Variants in TAF3 observed in about 807,000 individuals in gnomAD.
TAF3 encodes TATA-box binding protein associated factor 3, also known as transcription initiation factor TFIID subunit 3.
Under a neutral mutation model 80.6 loss-of-function variants are expected in TAF3, and 7 were observed. The ratio of observed to expected loss-of-function variants is 0.09; its 90% CI spans 0.05 to 0.16. The LOEUF is 0.16. TAF3 is among the 10% of genes least tolerant of loss of function. The probability of loss-of-function intolerance (pLI) is 1.00; values close to 1 mark genes in which losing one functional copy is unlikely to be tolerated. For synonymous variants in TAF3, 444 were observed against 446.1 expected (o/e 1.00, Z 0.06); for missense variants, 921 against 1,140.2 (o/e 0.81, Z 2.77).
chr10:7,969,690 A>T (rs897092796), intron 3 of TAF3, among the ~76,000 whole-genome samples: 3 of 152,108 alleles, frequency 2.0e-5, no homozygotes, highest in Admixed American at 2.0e-4. Flanking sequence ...AAAGTGGGGG[A>T]TCTGTTTTTA....
chr10:7,982,834 G>A (rs1564376988), intron 4 of TAF3, among the ~76,000 whole-genome samples: 1 of 152,204 alleles, frequency 6.6e-6, no homozygotes, highest in African/African-American at 2.4e-5. Context: ...TTTTATAGGT[G>A]ACCCAAAGGC....
At chr10:7,907,679 G>T (rs1327641955) in intron 2 of TAF3, among the ~76,000 whole-genome samples, 3 of 152,292 alleles carry the variant, frequency 2.0e-5, no homozygotes, top group South Asian at 4.1e-4. Context: ...CCATTGCCCT[G>T]CCCATTTTAA....
intron 1 of TAF3, among the ~76,000 whole-genome samples, chr10:7,819,135 C>T (rs1440440124): frequency 6.6e-6 from 1 of 152,108 alleles, no homozygotes; most frequent in Non-Finnish European, 1.5e-5. Flanking sequence ...ACCCTCCTAC[C>T]GCTCCTCCGC....
chr10:7,823,822 A>T (rs527543459), intron 1 of TAF3, among the ~76,000 whole-genome samples: 70 of 151,936 alleles, frequency 4.6e-4, no homozygotes, highest in African/African-American at 1.7e-3. Context: ...TTTAGTAGAG[A>T]CGGGGTTTCA....
At chr10:7,943,662 T>A (rs1837997136) in intron 2 of TAF3, among the ~76,000 whole-genome samples, 2 of 152,234 alleles carry the variant, frequency 1.3e-5, no homozygotes, top group South Asian at 4.1e-4. Flanking sequence ...TCAGTACACA[T>A]TAAATGCATC....
At chr10:7,979,804 C>CTT (rs1282454392) in intron 4 of TAF3, among the ~76,000 whole-genome samples, 1 of 41,714 alleles carries the variant, frequency 2.4e-5, no homozygotes, top group Non-Finnish European at 4.2e-5. Context: ...CAGTAAAGTG[C>CTT]TTTTTGTGGG....
intron 2 of TAF3, among the ~76,000 whole-genome samples, chr10:7,911,269 A>G (rs1369366898): frequency 1.3e-5 from 2 of 152,246 alleles, no homozygotes; most frequent in Non-Finnish European, 2.9e-5. Flanking sequence ...CATTGTGATT[A>G]TATTTAGTCA....
At chr10:7,994,079 C>T (rs945637877) in intron 4 of TAF3, among the ~76,000 whole-genome samples, 5 of 149,404 alleles carry the variant, frequency 3.3e-5, no homozygotes, top group Admixed American at 2.7e-4. Context: ...TCCCACTTCC[C>T]CTCTTCCTTT....
chr10:7,990,189 C>T (rs950923605), intron 4 of TAF3, among the ~76,000 whole-genome samples: 1 of 152,072 alleles, frequency 6.6e-6, no homozygotes, highest in Middle Eastern at 3.2e-3. Flanking sequence ...TATATGAATA[C>T]GTGAGTTCTG....
chr10:7,864,782 C>T (rs1293390126), intron 2 of TAF3, among the ~76,000 whole-genome samples: 2 of 151,832 alleles, frequency 1.3e-5, no homozygotes, highest in Admixed American at 6.6e-5. Flanking sequence ...CATTATCTTT[C>T]AAGAAGTAAA....
intron 4 of TAF3, among the ~76,000 whole-genome samples, chr10:7,978,104 A>G (rs995001359): frequency 2.6e-5 from 4 of 152,236 alleles, no homozygotes; most frequent in Non-Finnish European, 4.4e-5. Flanking sequence ...AATAAAATAC[A>G]CAAGATAAAA....
chr10:7,899,582 G>T (rs555427418), intron 2 of TAF3, among the ~76,000 whole-genome samples: 1 of 152,056 alleles, frequency 6.6e-6, no homozygotes, highest in Non-Finnish European at 1.5e-5. Flanking sequence ...TTTGTGCTTG[G>T]TACTGGAAGG....
At chr10:7,876,593 G>A (rs1254664023) in intron 2 of TAF3, among the ~76,000 whole-genome samples, 1 of 152,150 alleles carries the variant, frequency 6.6e-6, no homozygotes, top group Non-Finnish European at 1.5e-5. Context: ...ACCTATTCCT[G>A]TAGGTGAGCA....
intron 2 of TAF3, among the ~76,000 whole-genome samples, chr10:7,942,749 G>A (rs1208552518): frequency 2.0e-5 from 3 of 152,140 alleles, no homozygotes; most frequent in South Asian, 2.1e-4. Context: ...GTGTGGGCAC[G>A]GAGTTCTAGA....
chr10:7,830,041 T>A (rs957148591), intron 2 of TAF3, among the ~76,000 whole-genome samples: 17 of 152,270 alleles, frequency 1.1e-4, no homozygotes, highest in African/African-American at 4.1e-4. Context: ...CTTCCCTTCC[T>A]CCCCCTTCCC....
chr10:8,013,861 G>T (rs143755873), intron 6 of TAF3, 24 bp downstream of exon 6: 4 of 1,594,660 alleles, frequency 2.5e-6, no homozygotes, highest in Non-Finnish European at 3.4e-6. Context: ...GCGCCCTGCC[G>T]GCCACACTCA....
At chr10:7,897,344 A>G (rs2131168130) in intron 2 of TAF3, among the ~76,000 whole-genome samples, 1 of 152,314 alleles carries the variant, frequency 6.6e-6, no homozygotes, top group East Asian at 1.9e-4. Context: ...TTTCCAGTAG[A>G]ATTTTGAGCA....
chr10:7,947,197 A>G (rs1838033186), intron 2 of TAF3, among the ~76,000 whole-genome samples: 1 of 152,172 alleles, frequency 6.6e-6, no homozygotes, highest in African/African-American at 2.4e-5. Context: ...AAATGTCGGC[A>G]GCCCTAGAAT....
chr10:7,870,521 A>G (rs1317023049), intron 2 of TAF3, among the ~76,000 whole-genome samples: 2 of 152,174 alleles, frequency 1.3e-5, no homozygotes, highest in Non-Finnish European at 2.9e-5. Context: ...TTTTAATGTA[A>G]ACTTCATTTT....
Sources: gnomAD v4.1 joint callset for allele counts (sites outside exome capture counted in the v4.1 genomes callset) on GRCh38, gnomAD v4.1.1 for gene constraint, MANE v1.5 for transcripts, NCBI Gene and HGNC (gene_info 2026-07-23, HGNC 2026-07-21) for gene names.